The following ARHGAP24 variants were observed in gnomAD, a reference collection of about 807,000 sequenced individuals.
The protein encoded by ARHGAP24 is rho GTPase-activating protein 24.
A neutral mutation model predicts 76.4 loss-of-function variants in ARHGAP24; 50 were observed. That is an observed-to-expected ratio of 0.65 (90% CI 0.52 to 0.83). ARHGAP24 has a LOEUF of 0.83. Ranked by LOEUF, ARHGAP24 falls within the 40% of genes least tolerant of loss-of-function variation. ARHGAP24 has a pLI of 0.00. For missense variants in ARHGAP24, 930 were observed against 914.2 expected (o/e 1.02, Z -0.22); for synonymous variants, 345 against 323.3 (o/e 1.07, Z -0.72).
intron 3 of ARHGAP24, among the ~76,000 whole-genome samples, chr4:85,765,786 T>C (rs1726909723): frequency 6.6e-6 from 1 of 152,136 alleles, no homozygotes; most frequent in South Asian, 2.1e-4. Flanking sequence ...CTATGAAAAG[T>C]ACATTTATAA....
intron 3 of ARHGAP24, among the ~76,000 whole-genome samples, chr4:85,841,234 A>G (rs1325257826): frequency 1.3e-5 from 2 of 152,224 alleles, no homozygotes; most frequent in Admixed American, 1.3e-4. Context: ...GCGTACATTC[A>G]TTATTCTCAT....
intron 3 of ARHGAP24, among the ~76,000 whole-genome samples, chr4:85,888,571 T>C (rs1044779443): frequency 2.0e-5 from 3 of 152,118 alleles, no homozygotes; most frequent in Non-Finnish European, 4.4e-5. Flanking sequence ...TACTGAGGTA[T>C]CTTTTTTTAT....
chr4:85,517,331 A>T (rs1465337040), intron 1 of ARHGAP24, among the ~76,000 whole-genome samples: 2 of 152,176 alleles, frequency 1.3e-5, no homozygotes, highest in Non-Finnish European at 2.9e-5. Flanking sequence ...AAGTAGAATT[A>T]TCATATTTTT....
At position 85,755,626 on chromosome 4, in the gene ARHGAP24, G is replaced by GTTTTTTTTTTTTTTTTT. The variant is rs111410344; in HGVS notation, c.268+33658_268+33659insTTTTTTTTTTTTTTTTT. The stretch of plus-strand genomic sequence containing the variant: ...TTCTATGGGAAGCTTCTATTCTTTT[G>GTTTTTTTTTTTTTTTTT]TTTTGTTTTGTTTTGTTTTGTTTTG... On this transcript the variant is annotated intron_variant, in intron 3 of 9. Coordinates refer to ENST00000395184, the MANE Select transcript of ARHGAP24 (RefSeq NM_001025616.3). Among the ~76,000 whole-genome samples the GTTTTTTTTTTTTTTTTT allele has an allele frequency of 3.4e-5, 4 of 117,364 alleles. 1 individual carries two copies. Among genetic ancestry groups the GTTTTTTTTTTTTTTTTT allele is most frequent in the Non-Finnish European group, 5.3e-5 (3 of 56,164 alleles). The allele number at this position is 117,364 out of a possible 152,430, so 77.0% of individuals were successfully genotyped here.
intron 2 of ARHGAP24, among the ~76,000 whole-genome samples, chr4:85,664,215 C>T (rs1400040419): frequency 6.6e-6 from 1 of 151,378 alleles, no homozygotes; most frequent in Non-Finnish European, 1.5e-5. Context: ...TTCAGAGATT[C>T]AACTTCTTCC....
intron 1 of ARHGAP24, among the ~76,000 whole-genome samples, chr4:85,548,113 A>C (rs1725989565): frequency 6.6e-6 from 1 of 152,208 alleles, no homozygotes; most frequent in Non-Finnish European, 1.5e-5. Context: ...AGATTTATCC[A>C]TTGAAAGCCA....
intron 1 of ARHGAP24, among the ~76,000 whole-genome samples, chr4:85,491,164 C>T (rs763882222): frequency 2.6e-5 from 4 of 152,044 alleles, no homozygotes; most frequent in African/African-American, 9.7e-5. Context: ...GTGCATAATA[C>T]CAAATGTCTT....
chr4:85,946,359 C>T (rs896925951), intron 5 of ARHGAP24, among the ~76,000 whole-genome samples: 5 of 152,120 alleles, frequency 3.3e-5, no homozygotes, highest in Admixed American at 2.0e-4. Flanking sequence ...TTTAGAATTG[C>T]GTACAGGTTT....
At chr4:85,724,223 A>G (rs1001679114) in intron 3 of ARHGAP24, among the ~76,000 whole-genome samples, 5 of 152,146 alleles carry the variant, frequency 3.3e-5, no homozygotes, top group East Asian at 1.9e-4. Context: ...AATCTATCAT[A>G]AAGATGATGC....
At chr4:85,844,063 T>C (rs1730740322) in intron 3 of ARHGAP24, among the ~76,000 whole-genome samples, 1 of 152,206 alleles carries the variant, frequency 6.6e-6, no homozygotes, top group Non-Finnish European at 1.5e-5. Flanking sequence ...AGCTTCCTCA[T>C]GTAAAGATTA....
At chr4:85,579,512 T>C (rs1188170727) in intron 2 of ARHGAP24, among the ~76,000 whole-genome samples, 1 of 145,738 alleles carries the variant, frequency 6.9e-6, no homozygotes. Flanking sequence ...TTTTTTTTGC[T>C]ATTCAATTTT....
At chr4:85,640,120 A>G (rs530572535) in intron 2 of ARHGAP24, among the ~76,000 whole-genome samples, 2 of 152,290 alleles carry the variant, frequency 1.3e-5, no homozygotes, top group South Asian at 2.1e-4. Flanking sequence ...CACACCCTCA[A>G]CAACCTCTTT....
chr4:85,624,222 T>A (rs1057462800), intron 2 of ARHGAP24, among the ~76,000 whole-genome samples: 9 of 152,196 alleles, frequency 5.9e-5, no homozygotes, highest in Non-Finnish European at 1.2e-4. Context: ...GGCTGTGGGT[T>A]TGTCATAGAT....
intron 1 of ARHGAP24, among the ~76,000 whole-genome samples, chr4:85,529,966 A>G (rs988707279): frequency 3.3e-5 from 5 of 151,928 alleles, no homozygotes; most frequent in African/African-American, 9.7e-5. Context: ...TTTTATATTC[A>G]TAATGTCAGA....
chr4:85,966,707 T>G (rs173201), intron 5 of ARHGAP24, among the ~76,000 whole-genome samples: 54,075 of 151,976 alleles, frequency 0.36, 9,808 homozygotes, highest in East Asian at 0.53. Context: ...GTGTTGGAAG[T>G]ACTGCCAAAT....
intron 2 of ARHGAP24, among the ~76,000 whole-genome samples, chr4:85,699,331 C>T (rs1723982088): frequency 6.6e-6 from 1 of 152,202 alleles, no homozygotes; most frequent in Non-Finnish European, 1.5e-5. Context: ...CAGTGGCTCA[C>T]ACCTGTAATC....
intron 2 of ARHGAP24, among the ~76,000 whole-genome samples, chr4:85,690,053 G>A (rs1723571629): frequency 6.6e-6 from 1 of 152,138 alleles, no homozygotes; most frequent in Non-Finnish European, 1.5e-5. Flanking sequence ...AGTTTGTAGA[G>A]AGTTTTTATC....
chr4:85,564,394 G>T (rs557753711), intron 1 of ARHGAP24, among the ~76,000 whole-genome samples: 20 of 146,982 alleles, frequency 1.4e-4, no homozygotes, highest in Non-Finnish European at 2.1e-4. Context: ...GGCCTGTTGT[G>T]GGGTGGGGGG....
chr4:85,858,351 A>G (rs573048405), intron 3 of ARHGAP24, among the ~76,000 whole-genome samples: 17 of 152,314 alleles, frequency 1.1e-4, no homozygotes, highest in Middle Eastern at 3.4e-3. Flanking sequence ...CTATTTGTTT[A>G]AACAATTTTG....
Sources: gnomAD v4.1 joint callset for allele counts (sites outside exome capture counted in the v4.1 genomes callset) on GRCh38, gnomAD v4.1.1 for gene constraint, MANE v1.5 for transcripts, NCBI Gene and HGNC (gene_info 2026-07-23, HGNC 2026-07-21) for gene names.